FERMT1: variants seen among roughly 807,000 people sequenced by gnomAD.
FERMT1 encodes the protein fermitin family homolog 1.
A neutral mutation model predicts 85.3 loss-of-function variants in FERMT1; 60 were observed. That is an observed-to-expected ratio of 0.70 (90% CI 0.57 to 0.87). The LOEUF (loss-of-function observed/expected upper bound fraction) is 0.87. Among genes scored for constraint, FERMT1 ranks in the 40% least tolerant of loss-of-function variants. The probability of loss-of-function intolerance (pLI) is 0.00; values close to 1 mark genes in which losing one functional copy is unlikely to be tolerated. For missense variants in FERMT1, 701 were observed against 818.9 expected (o/e 0.86, Z 1.76); for synonymous variants, 275 against 301.1 (o/e 0.91, Z 0.90).
At chr20:6,108,951 A>G (rs1366813459) in intron 5 of FERMT1, among the ~76,000 whole-genome samples, 1 of 152,204 alleles carries the variant, frequency 6.6e-6, no homozygotes, top group Non-Finnish European at 1.5e-5. Flanking sequence ...ACTTTCTGCA[A>G]TGAGAGAAAT....
chr20:6,078,514 AC>A, intron 14 of FERMT1, among the ~76,000 whole-genome samples: 1 of 152,210 alleles, frequency 6.6e-6, no homozygotes, highest in Middle Eastern at 3.4e-3. Flanking sequence ...TTGCTTTGTT[AC>A]CCAGGCTGGA....
rs368952038 is a variant in FERMT1 at position 6,119,490 on chromosome 20, T to C, written c.65A>G (p.Asn22Ser). The C allele has an allele frequency of 1.9e-5, 31 of 1,614,052 alleles. No homozygotes were observed. The highest frequency in any genetic ancestry group is 2.4e-5 in the Non-Finnish European group (28 of 1,180,030). The part of the protein sequence containing the change: ...WELVVRVDHP[N>S]EEQQKDVTLR... ...TGTGACGTCTTTCTGCTGCTCTTCA[T>C]TGGGATGGTCAACGCGGACCACAAG... is the stretch of plus-strand genomic sequence containing the variant. Residue 22 changes from asparagine (N) to serine (S), a missense_variant, in exon 2 of 15, where the codon AAT becomes AGT. Asn to Ser is a conservative substitution (Grantham distance 46). Transcript: ENST00000217289.
intron 3 of FERMT1, among the ~76,000 whole-genome samples, chr20:6,115,530 T>C (rs1983071844): frequency 6.6e-6 from 1 of 152,220 alleles, no homozygotes; most frequent in African/African-American, 2.4e-5. Flanking sequence ...CTTGGATCAA[T>C]AAATTTTGGG....
At chr20:6,085,912 G>A (rs935168044) in intron 11 of FERMT1, among the ~76,000 whole-genome samples, 2 of 151,758 alleles carry the variant, frequency 1.3e-5, no homozygotes, top group Non-Finnish European at 1.5e-5. Context: ...AGGCCGAGGC[G>A]GGTGGATCAC....
intron 3 of FERMT1, among the ~76,000 whole-genome samples, chr20:6,113,093 A>G (rs1983002968): frequency 6.6e-6 from 1 of 152,094 alleles, no homozygotes; most frequent in Admixed American, 6.5e-5. Flanking sequence ...AGGTAATTGA[A>G]TCATGGGGGC....
At chr20:6,097,120 G>T in intron 7 of FERMT1, 87 bp from the exon 8 acceptor site, 1 of 1,333,448 alleles carries the variant, frequency 7.5e-7, no homozygotes, top group Non-Finnish European at 1.1e-6. Flanking sequence ...TTTCTTTGAG[G>T]ACTATTCCCT....
chr20:6,096,852 T>C (rs765331510), intron 8 of FERMT1, 50 bp downstream of exon 8: 1 of 1,569,284 alleles, frequency 6.4e-7, no homozygotes, highest in Admixed American at 1.7e-5. Context: ...CATTTATACT[T>C]GTCAATCAGA....
chr20:6,097,582 A>G lies in FERMT1; in HGVS notation c.899T>C (p.Ile300Thr), dbSNP rs529464940. ...NQLYEQARWA[I>T]LLEEIDCTEE... ...TGTGCAATCAATTTCTTCTAAGAGAATGGCCCACCTGGCTTGCTCATAGAG... is the reference window on the plus strand; with the variant it reads ...TGTGCAATCAATTTCTTCTAAGAGAGTGGCCCACCTGGCTTGCTCATAGAG... The change falls in exon 7 of 15, where the codon ATT (isoleucine) becomes ACT (threonine). Residue 300 changes from isoleucine to threonine, a missense_variant. By Grantham distance (89) the Ile-to-Thr change is moderately conservative. Transcript: ENST00000217289. The G allele has an allele frequency of 9.3e-6, 15 of 1,614,112 alleles. No individual in the cohort carries two copies. The South Asian group carries it at 1.6e-4, about 18-fold the overall frequency.
At chr20:6,087,109 A>T (rs1255937397) in intron 11 of FERMT1, among the ~76,000 whole-genome samples, 1 of 152,070 alleles carries the variant, frequency 6.6e-6, no homozygotes, top group Non-Finnish European at 1.5e-5. Flanking sequence ...ATGTGTTGCT[A>T]CGTGCCCTCT....
At chr20:6,091,439 A>G (rs1200075503) in intron 9 of FERMT1, among the ~76,000 whole-genome samples, 2 of 151,828 alleles carry the variant, frequency 1.3e-5, no homozygotes, top group Non-Finnish European at 2.9e-5. Context: ...CATGTTGGCT[A>G]GACTGGTCTT....
intron 13 of FERMT1, among the ~76,000 whole-genome samples, chr20:6,081,806 T>G (rs1982005716): frequency 6.6e-6 from 1 of 152,190 alleles, no homozygotes; most frequent in African/African-American, 2.4e-5. Flanking sequence ...AATATGTCAC[T>G]TTTCACATCA....
At position 6,077,069 on chromosome 20, in the gene FERMT1, T is replaced by C; in HGVS notation, c.*104A>G. On this transcript the variant is annotated 3_prime_UTR_variant, in exon 15 of 15. Coordinates refer to ENST00000217289, the MANE Select transcript of FERMT1 (RefSeq NM_017671.5). Reference sequence around the variant, plus strand: ...TGGGTGACCAGCGGTGAATGTATGTTGTCTGTTAGTCCAGAATCTACATGC... The same window carrying C: ...TGGGTGACCAGCGGTGAATGTATGTCGTCTGTTAGTCCAGAATCTACATGC... 1 of 1,134,000 alleles carries C rather than the reference T, an allele frequency of 8.8e-7. No individual in the cohort carries two copies. Among genetic ancestry groups the C allele is most frequent in the Non-Finnish European group, 1.3e-6 (1 of 746,420 alleles). The allele number at this position is 1,134,000 out of a possible 1,614,324, so 70.2% of individuals were successfully genotyped here.
In FERMT1 at chr20:6,122,783, A is replaced by G. The variant is rs7273551; in HGVS notation, c.-28T>C. On this transcript the variant is annotated 5_prime_UTR_variant, in exon 1 of 15. Coordinates refer to ENST00000217289, the MANE Select transcript of FERMT1 (RefSeq NM_017671.5). ...GCTCCGGAGCACCCACCTCCTTTCC[A>G]GGAGCCCGTAGCGTCCAGCCTCGCA... is the stretch of plus-strand genomic sequence containing the variant. 4,113 of 152,434 alleles carry G rather than the reference A, an allele frequency of 0.027. 186 individuals are homozygous for G. The highest frequency in any genetic ancestry group is 0.093 in the African/African-American group (3,880 of 41,568). 9.4% of individuals were successfully genotyped at this position (152,434 alleles called of 1,614,324 possible).
intron 6 of FERMT1, among the ~76,000 whole-genome samples, chr20:6,098,215 G>C (rs1293543769): frequency 6.6e-6 from 1 of 151,988 alleles, no homozygotes; most frequent in African/African-American, 2.4e-5. Flanking sequence ...GGTAGTAATA[G>C]ATAGTAAAAA....
intron 6 of FERMT1, among the ~76,000 whole-genome samples, chr20:6,099,296 G>T (rs1982591067): frequency 6.6e-6 from 1 of 151,854 alleles, no homozygotes; most frequent in South Asian, 2.1e-4. Flanking sequence ...CCAGCTACTT[G>T]GGGGAGGGTG....
chr20:6,087,467 T>C (rs775750054), intron 11 of FERMT1, among the ~76,000 whole-genome samples: 4 of 152,132 alleles, frequency 2.6e-5, no homozygotes, highest in Admixed American at 6.6e-5. Context: ...CCCACCACCA[T>C]GCCTGGCCAA....
intron 9 of FERMT1, among the ~76,000 whole-genome samples, chr20:6,093,011 G>C (rs1221933855): frequency 6.6e-6 from 1 of 151,846 alleles, no homozygotes; most frequent in African/African-American, 2.4e-5. Context: ...TTGCATTAGA[G>C]CTGATACCCT....
At position 6,077,029 on chromosome 20, in the gene FERMT1, G is replaced by A. The variant is rs565203246; in HGVS notation, c.*144C>T. On this transcript the variant is annotated 3_prime_UTR_variant, in exon 15 of 15. Coordinates refer to ENST00000217289, the MANE Select transcript of FERMT1 (RefSeq NM_017671.5). Reference sequence around the variant, plus strand: ...AAGGAAAGGGATGTGCCAGCAGTGGGTTTGAATGAGGATCTGGGTGACCAG... The same window carrying A: ...AAGGAAAGGGATGTGCCAGCAGTGGATTTGAATGAGGATCTGGGTGACCAG... 103 of 835,620 alleles carry A rather than the reference G, an allele frequency of 1.2e-4. No homozygotes were observed. Among genetic ancestry groups the A allele is most frequent in the Middle Eastern group, 7.0e-4 (2 of 2,870 alleles). 51.8% of individuals were successfully genotyped at this position (835,620 alleles called of 1,614,324 possible). A position where few individuals can be genotyped will look rare whatever the true frequency, so the allele number is the denominator to read the frequency against.
At position 6,112,587 on chromosome 20, in the gene FERMT1, G is replaced by A. The variant is rs369542572; in HGVS notation, c.422C>T (p.Pro141Leu). Residue 141 changes from proline to leucine, a missense_variant, in exon 4 of 15, where the codon CCG (proline) becomes CTG (leucine). Transcript: ENST00000217289. ...RRSEELSLLK[P>L]SGDYFKKKKK... ...CTTCTTCTTAAAATAGTCACCAGAC[G>A]GCTTTAACAAGGAAAGCTCTTCTGA... is the stretch of plus-strand genomic sequence containing the variant. 3.5e-5 allele frequency: 56 copies of A among 1,595,736 alleles called. No homozygotes were observed. Among genetic ancestry groups the A allele is most frequent in the South Asian group, 8.0e-5 (7 of 87,718 alleles).
Sources: allele counts gnomAD v4.1 joint callset (sites outside exome capture counted in the v4.1 genomes callset), GRCh38; gene constraint gnomAD v4.1.1; transcripts MANE v1.5; gene names NCBI Gene and HGNC (gene_info 2026-07-23, HGNC 2026-07-21).